The following CTBP2 variants were observed in gnomAD, a reference collection of about 807,000 sequenced individuals.
CTBP2 encodes C-terminal binding protein 2, also known as C-terminal-binding protein 2.
Under a neutral mutation model 80.3 loss-of-function variants are expected in CTBP2, and 30 were observed. The observed-to-expected ratio is 0.37, with a 90% CI of 0.28 to 0.51. The LOEUF (loss-of-function observed/expected upper bound fraction) is 0.51. Ranked by LOEUF, CTBP2 falls within the 20% of genes least tolerant of loss-of-function variation. The pLI is 0.93. For missense variants in CTBP2, 1,212 were observed against 1,375.3 expected, an observed-to-expected ratio of 0.88 and a Z score of 1.88; for synonymous variants, 594 against 587.4, an observed-to-expected ratio of 1.01 and a Z score of -0.16.
intron 1 of CTBP2, among the ~76,000 whole-genome samples, chr10:125,139,558 C>G (rs555619630): frequency 6.6e-6 from 1 of 152,002 alleles, no homozygotes; most frequent in African/African-American, 2.4e-5. Context: ...GTTCATTAGC[C>G]CCTGTTTTTT....
At chr10:125,113,916 T>G (rs1232530753) in intron 1 of CTBP2, among the ~76,000 whole-genome samples, 1 of 152,200 alleles carries the variant, frequency 6.6e-6, no homozygotes, top group Non-Finnish European at 1.5e-5. Context: ...GTTAAAAGGC[T>G]TGGAAGACTG....
At position 125,026,585 on chromosome 10, in the gene CTBP2, A is replaced by C; in HGVS notation, c.1175T>G (p.Leu392Arg). The change falls in exon 1 of 9, where the codon CTG (leucine) becomes CGG (arginine). Residue 392 changes from leucine (L) to arginine (R), a missense_variant. By Grantham distance (102) the Leu-to-Arg change is moderately radical. Transcript: ENST00000309035. ...TCCAGCTCGGGGGGATGCTGTCTGCAGAGGAGCCGCAGCGCCCAGAGAAGC... is the reference window on the plus strand; with the variant it reads ...TCCAGCTCGGGGGGATGCTGTCTGCCGAGGAGCCGCAGCGCCCAGAGAAGC... 6.4e-7 allele frequency: 1 copy of C among 1,562,540 alleles called. No individual in the cohort carries two copies. The highest frequency in any genetic ancestry group is 8.7e-7 in the Non-Finnish European group (1 of 1,154,032).
At chr10:125,074,378 G>C (rs1326580855) in intron 2 of CTBP2, among the ~76,000 whole-genome samples, 1 of 152,174 alleles carries the variant, frequency 6.6e-6, no homozygotes, top group Non-Finnish European at 1.5e-5. Context: ...CTTTGAGACA[G>C]AGTTTTGCAC....
chr10:125,078,550 T>C (rs1424713680), intron 2 of CTBP2, among the ~76,000 whole-genome samples: 1 of 151,640 alleles, frequency 6.6e-6, no homozygotes, highest in Non-Finnish European at 1.5e-5. Flanking sequence ...ACACTGGCCA[T>C]TTCCTCACAA....
At chr10:125,079,788 G>A (rs571247498) in intron 2 of CTBP2, among the ~76,000 whole-genome samples, 1 of 152,194 alleles carries the variant, frequency 6.6e-6, no homozygotes, top group Non-Finnish European at 1.5e-5. Context: ...TTCCAATGGA[G>A]AGTTTATTTA....
At chr10:125,148,003 C>T (rs1859110064) in intron 1 of CTBP2, among the ~76,000 whole-genome samples, 1 of 152,176 alleles carries the variant, frequency 6.6e-6, no homozygotes. Flanking sequence ...CTCTCCTTAC[C>T]CTCATTTTAC....
At position 125,090,959 on chromosome 10, in the gene CTBP2, G is replaced by A. The variant is rs76195450; in HGVS notation, c.-102+20031C>T. Among the ~76,000 whole-genome samples, 1,243 of 152,208 alleles carry A rather than the reference G, an allele frequency of 8.2e-3. 17 individuals are homozygous for A. Among genetic ancestry groups the A allele is most frequent in the African/African-American group, 0.029 (1,185 of 41,522 alleles). ...ACTTATATTTAAGGAGGAAATTGGC[G>A]CAAAGAAAAGATCAGCCATTTTCCC... On this transcript the variant is annotated intron_variant, in intron 2 of 10. Transcript: ENST00000337195.
At chr10:125,019,474 TA>T (rs34198087) in intron 1 of CTBP2, among the ~76,000 whole-genome samples, 45 of 147,294 alleles carry the variant, frequency 3.1e-4, no homozygotes, top group Admixed American at 6.1e-4. Flanking sequence ...CTTTCTCACT[TA>T]AAAAAAAAAA....
intron 2 of CTBP2, among the ~76,000 whole-genome samples, chr10:125,059,208 G>T (rs1318925569): frequency 6.6e-6 from 1 of 152,138 alleles, no homozygotes; most frequent in Non-Finnish European, 1.5e-5. Flanking sequence ...GATCCTGCTG[G>T]GTTTTGTTGG....
At chr10:125,129,995 G>A (rs541195192) in intron 1 of CTBP2, among the ~76,000 whole-genome samples, 4 of 151,972 alleles carry the variant, frequency 2.6e-5, no homozygotes, top group Admixed American at 2.6e-4. Context: ...TACAGGGCTT[G>A]GAAGCAGGGC....
chr10:125,139,209 T>G (rs1016468632), intron 1 of CTBP2, among the ~76,000 whole-genome samples: 3 of 151,766 alleles, frequency 2.0e-5, no homozygotes, highest in African/African-American at 7.3e-5. Context: ...CTGTCTCTAC[T>G]AAAATACAAA....
chr10:125,031,488 CAAAA>C (rs11463934), upstream of CTBP2, among the ~76,000 whole-genome samples: 2 of 33,694 alleles, frequency 5.9e-5, no homozygotes, highest in African/African-American at 2.4e-4. Flanking sequence ...GACTCCATTT[CAAAA>C]AAAAAAAAAA....
At chr10:125,062,097 C>T (rs1965077943) in intron 2 of CTBP2, among the ~76,000 whole-genome samples, 16 of 152,080 alleles carry the variant, frequency 1.1e-4, no homozygotes, top group Admixed American at 1.0e-3. Context: ...ACCGAGAGGG[C>T]CCTTAGCGAC....
chr10:125,071,812 C>G (rs1476842184), intron 2 of CTBP2, among the ~76,000 whole-genome samples: 3 of 152,108 alleles, frequency 2.0e-5, no homozygotes, highest in Admixed American at 6.6e-5. Context: ...CCCAAACATT[C>G]CCAAAGCAGA....
chr10:125,143,364 C>T (rs1268669722), intron 1 of CTBP2, among the ~76,000 whole-genome samples: 1 of 152,078 alleles, frequency 6.6e-6, no homozygotes, highest in Non-Finnish European at 1.5e-5. Flanking sequence ...TGTAATCCCA[C>T]CTACTCAGGA....
chr10:125,128,331 A>T (rs1279836535), intron 1 of CTBP2, among the ~76,000 whole-genome samples: 1 of 152,250 alleles, frequency 6.6e-6, no homozygotes, highest in African/African-American at 2.4e-5. Context: ...CACGACCTTC[A>T]TTCTTGACTT....
intron 2 of CTBP2, among the ~76,000 whole-genome samples, chr10:125,069,574 C>T (rs1329380725): frequency 2.6e-5 from 4 of 152,200 alleles, no homozygotes; most frequent in East Asian, 3.9e-4. Context: ...AGCCTGAGAT[C>T]GTGCCATTGC....
intron 2 of CTBP2, among the ~76,000 whole-genome samples, chr10:125,061,999 G>A (rs2949373): frequency 0.34 from 52,040 of 152,084 alleles, 9,459 homozygotes; most frequent in East Asian, 0.63. Flanking sequence ...AGGTGGGACC[G>A]AAGCCGGGTA....
At chr10:125,146,402 T>G (rs890548714) in intron 1 of CTBP2, among the ~76,000 whole-genome samples, 1 of 151,566 alleles carries the variant, frequency 6.6e-6, no homozygotes, top group Admixed American at 6.6e-5. Flanking sequence ...TGCCTCAGAC[T>G]CCCAAATAGC....
Sources: gnomAD v4.1 joint callset for allele counts (sites outside exome capture counted in the v4.1 genomes callset) on GRCh38, gnomAD v4.1.1 for gene constraint, MANE v1.5 for transcripts, NCBI Gene and HGNC (gene_info 2026-07-23, HGNC 2026-07-21) for gene names.